SDK2: variants seen among roughly 807,000 people sequenced by gnomAD.
SDK2 encodes protein sidekick-2.
SDK2 carries 105 observed loss-of-function variants against 253.9 expected under a neutral mutation model. The observed-to-expected ratio is 0.41, with a 90% CI of 0.35 to 0.49. The LOEUF (loss-of-function observed/expected upper bound fraction) is 0.49, where lower values mean the gene tolerates loss of function less well. Ranked by LOEUF, SDK2 falls within the 20% of genes least tolerant of loss-of-function variation. The pLI is 0.06. For synonymous variants in SDK2, 1,249 were observed against 1,234.9 expected, an observed-to-expected ratio of 1.01 and a Z score of -0.24; for missense variants, 2,608 against 3,003.0, an observed-to-expected ratio of 0.87 and a Z score of 3.07.
chr17:73,538,819 C>G (rs951974203), intron 1 of SDK2, among the ~76,000 whole-genome samples: 29 of 152,310 alleles, frequency 1.9e-4, no homozygotes, highest in African/African-American at 7.0e-4. Flanking sequence ...ACCTTGGCCT[C>G]AGTGTCAGCA....
At chr17:73,396,498 C>G (rs1329873218) in intron 24 of SDK2, among the ~76,000 whole-genome samples, 2 of 151,584 alleles carry the variant, frequency 1.3e-5, no homozygotes, top group African/African-American at 4.9e-5. Context: ...CGGCCCCAAC[C>G]TCCCCTGCTC....
At chr17:73,364,283 C>A (rs375714535) in intron 38 of SDK2, among the ~76,000 whole-genome samples, 3 of 152,270 alleles carry the variant, frequency 2.0e-5, no homozygotes. Context: ...GCAGCCCAGC[C>A]TAGGAGCCCA....
At chr17:73,546,684 T>A (rs2145830320) in intron 1 of SDK2, among the ~76,000 whole-genome samples, 1 of 152,320 alleles carries the variant, frequency 6.6e-6, no homozygotes, top group South Asian at 2.1e-4. Flanking sequence ...TCGCTTCCTG[T>A]CTCTGGGTCT....
chr17:73,571,804 C>A (rs1314788801), intron 1 of SDK2, among the ~76,000 whole-genome samples: 2 of 152,140 alleles, frequency 1.3e-5, no homozygotes, highest in Admixed American at 6.5e-5. Context: ...GGGGTCTGAC[C>A]CTCCACAGGG....
At chr17:73,610,039 C>T (rs1448149288) in intron 1 of SDK2, among the ~76,000 whole-genome samples, 1 of 152,214 alleles carries the variant, frequency 6.6e-6, no homozygotes, top group African/African-American at 2.4e-5. Context: ...TGCAGCCCAT[C>T]AGCCCCACGG....
In SDK2 at chr17:73,496,564, G is replaced by A. The variant is rs1438847040; in HGVS notation, c.224+10874C>T. On this transcript the variant is annotated intron_variant, in intron 2 of 44. Transcript: ENST00000392650. The surrounding 1 kb of genome is among the most constrained non-coding windows in gnomAD (Gnocchi z 4.7). The stretch of plus-strand genomic sequence containing the variant: ...GAGGCTGGACAGATGGACAGGACCC[G>A]GTGATACAGGGTCTTGTACTCCCTC... Among the ~76,000 whole-genome samples the A allele has an allele frequency of 3.3e-5, 5 of 152,130 alleles. No homozygotes were observed. The highest frequency in any genetic ancestry group is 4.8e-5 in the African/African-American group (2 of 41,430).
chr17:73,559,341 T>C (rs2045192266), intron 1 of SDK2, among the ~76,000 whole-genome samples: 1 of 152,122 alleles, frequency 6.6e-6, no homozygotes. Context: ...GGAGTGGCAA[T>C]GAGGATGAAA....
chr17:73,480,755 A>T (rs1189569497), intron 2 of SDK2, among the ~76,000 whole-genome samples: 1 of 152,044 alleles, frequency 6.6e-6, no homozygotes, highest in Non-Finnish European at 1.5e-5. Flanking sequence ...AGAGACAAAG[A>T]GAGACAGGGG....
intron 40 of SDK2, 140 bp downstream of exon 40, chr17:73,357,939 A>C: frequency 7.5e-7 from 1 of 1,338,236 alleles, no homozygotes; most frequent in African/African-American, 1.4e-5. Context: ...CCCACTCCTC[A>C]ACAGGGCCAG....
intron 1 of SDK2, among the ~76,000 whole-genome samples, chr17:73,604,457 CAT>C (rs2045881914): frequency 6.6e-6 from 1 of 152,242 alleles, no homozygotes. Flanking sequence ...TGCAACCACA[CAT>C]GACACTTTAC....
At chr17:73,397,433 G>A in intron 24 of SDK2, among the ~76,000 whole-genome samples, 1 of 152,156 alleles carries the variant, frequency 6.6e-6, no homozygotes, top group East Asian at 1.9e-4. Context: ...GGAGGATACG[G>A]GAGAACTTGG....
At chr17:73,499,017 C>T (rs2063865170) in intron 2 of SDK2, among the ~76,000 whole-genome samples, 1 of 152,238 alleles carries the variant, frequency 6.6e-6, no homozygotes, top group Non-Finnish European at 1.5e-5. Flanking sequence ...TCTTCCAGAA[C>T]TGCTGCCCGT....
chr17:73,451,105 C>T (rs917487489), intron 4 of SDK2, among the ~76,000 whole-genome samples: 7 of 152,226 alleles, frequency 4.6e-5, no homozygotes, highest in African/African-American at 1.7e-4. Flanking sequence ...GGACCATGAG[C>T]GCCTCCTGCG....
intron 6 of SDK2, among the ~76,000 whole-genome samples, chr17:73,439,423 C>T (rs6501639): frequency 0.47 from 70,882 of 151,952 alleles, 16,948 homozygotes; most frequent in Non-Finnish European, 0.5. Context: ...CCAAAAATAA[C>T]AACAACAACA....
chr17:73,538,033 G>GGAAACT (rs2044806986), intron 1 of SDK2, among the ~76,000 whole-genome samples: 1 of 152,170 alleles, frequency 6.6e-6, no homozygotes, highest in Non-Finnish European at 1.5e-5. Context: ...TTCTGCAGAT[G>GGAAACT]GTAGAGTGTG....
intron 2 of SDK2, among the ~76,000 whole-genome samples, chr17:73,502,084 T>TACACAC (rs5821971): frequency 0.037 from 980 of 26,524 alleles, 8 homozygotes; most frequent in African/African-American, 0.1. Context: ...GTAGTGCACA[T>TACACAC]ACACACACAC....
intron 25 of SDK2, among the ~76,000 whole-genome samples, 169 bp from the exon 26 acceptor site, chr17:73,394,493 C>G (rs574911775): frequency 6.4e-4 from 97 of 152,322 alleles, no homozygotes; most frequent in African/African-American, 2.2e-3. Flanking sequence ...ACTAAGATGG[C>G]CTTTGGTTTT....
At chr17:73,553,712 G>T (rs1267272944) in intron 1 of SDK2, among the ~76,000 whole-genome samples, 1 of 152,114 alleles carries the variant, frequency 6.6e-6, no homozygotes, top group African/African-American at 2.4e-5. Flanking sequence ...CCCCACCCTT[G>T]TTACAGCATA....
At chr17:73,375,313 C>T (rs1361689999) in intron 36 of SDK2, among the ~76,000 whole-genome samples, 3 of 124,554 alleles carry the variant, frequency 2.4e-5, no homozygotes, top group African/African-American at 9.1e-5. Flanking sequence ...GCAACAATGG[C>T]TCACTGCACC....
Sources: gnomAD v4.1 joint callset for allele counts (sites outside exome capture counted in the v4.1 genomes callset) on GRCh38, gnomAD v4.1.1 for gene constraint, Gnocchi (gnomAD v3.1) non-coding constraint, MANE v1.5 for transcripts, NCBI Gene and HGNC (gene_info 2026-07-23, HGNC 2026-07-21) for gene names.